TRPM7: variants seen among roughly 807,000 people sequenced by gnomAD.
TRPM7 encodes the protein transient receptor potential cation channel subfamily M member 7.
TRPM7 carries 134 observed loss-of-function variants against 229.7 expected under a neutral mutation model. The ratio of observed to expected loss-of-function variants is 0.58; its 90% CI spans 0.51 to 0.67. The LOEUF is 0.67. Among genes scored for constraint, TRPM7 ranks in the 30% least tolerant of loss-of-function variants. TRPM7 has a pLI of 0.00. For synonymous variants in TRPM7, 699 were observed against 715.2 expected, an observed-to-expected ratio of 0.98 and a Z score of 0.36; for missense variants, 1,901 against 2,210.0, an observed-to-expected ratio of 0.86 and a Z score of 2.80.
chr15:50,595,300 T>C (rs2059604109), intron 23 of TRPM7, among the ~76,000 whole-genome samples: 1 of 151,774 alleles, frequency 6.6e-6, no homozygotes, highest in Non-Finnish European at 1.5e-5. Context: ...TAGACTTAAG[T>C]GCAAAAGCCC....
rs1340419506 is a variant in TRPM7 at position 50,631,450 on chromosome 15, T to C, written c.1171A>G (p.Ile391Val). ...AGTGCAGTAAGTATTGCTACATCTA[T>C]ATCTTGATGTTCATCTGACCCAATA... Reference protein sequence around the residue: ...FHIGSDEHQDIDVAILTALLK... With the variant: ...FHIGSDEHQDVDVAILTALLK... Residue 391 changes from isoleucine (I) to valine (V), a missense_variant, in exon 10 of 39, where the codon ATA becomes GTA. Transcript: ENST00000646667. 1 of 1,610,750 alleles carries C rather than the reference T, an allele frequency of 6.2e-7. No individual in the cohort carries two copies. Among genetic ancestry groups the C allele is most frequent in the South Asian group, 1.1e-5 (1 of 90,824 alleles).
At chr15:50,588,194 A>T (rs2059392405) in intron 27 of TRPM7, 1 of 983,388 alleles carries the variant, frequency 1.0e-6, no homozygotes. Flanking sequence ...ACTTTACCTC[A>T]TATTTAGGCA....
At chr15:50,624,548 T>C (rs1345895689) in intron 11 of TRPM7, among the ~76,000 whole-genome samples, 1 of 152,160 alleles carries the variant, frequency 6.6e-6, no homozygotes, top group Non-Finnish European at 1.5e-5. Flanking sequence ...GAATAAGTGT[T>C]ACATGGGGGA....
Position 50,607,243 on chromosome 15 carries a change from A to G in TRPM7, c.2666T>C (p.Val889Ala). ...EQLPSVQEWI[V>A]IAYIFTYAIE... Reference sequence around the variant, plus strand: ...GGCATAAGTAAAAATATAAGCAATAACAATCCATTCTTGAACTGAAGGTAA... The same window carrying G: ...GGCATAAGTAAAAATATAAGCAATAGCAATCCATTCTTGAACTGAAGGTAA... The change falls in exon 20 of 39, where the codon GTT (valine) becomes GCT (alanine). Residue 889 changes from valine to alanine, a missense_variant. Transcript: ENST00000646667. 2 of 1,611,894 alleles carry G rather than the reference A, an allele frequency of 1.2e-6. No homozygotes were observed. The highest frequency in any genetic ancestry group is 1.7e-6 in the Non-Finnish European group (2 of 1,178,944).
chr15:50,616,718 T>C (rs2060231701), intron 13 of TRPM7, among the ~76,000 whole-genome samples: 1 of 152,050 alleles, frequency 6.6e-6, no homozygotes, highest in Non-Finnish European at 1.5e-5. Context: ...TCTTGCTCTG[T>C]TGTCCAGGCT....
intron 21 of TRPM7, among the ~76,000 whole-genome samples, chr15:50,602,828 C>T (rs1216154609): frequency 1.3e-5 from 2 of 152,090 alleles, no homozygotes; most frequent in Admixed American, 6.5e-5. Flanking sequence ...CACACAATGA[C>T]GGAACAAATG....
At position 50,601,819 on chromosome 15, in the gene TRPM7, C is replaced by A. The variant is rs1169366061; in HGVS notation, c.2989-2523G>T. Among the ~76,000 whole-genome samples, 19 of 151,804 alleles carry A rather than the reference C, an allele frequency of 1.3e-4. 1 individual carries two copies. The highest frequency in any genetic ancestry group is 1.2e-3 in the Admixed American group (19 of 15,256). ...TTGCAATTACTTTTAATGGCAAAAA[C>A]CGCAATTACTTTTGCACTAGCCTAT... On this transcript the variant is annotated intron_variant, in intron 21 of 38. Transcript: ENST00000646667.
intron 7 of TRPM7, 73 bp downstream of exon 7, chr15:50,637,349 T>C: frequency 7.3e-7 from 1 of 1,376,524 alleles, no homozygotes; most frequent in African/African-American, 1.4e-5. Flanking sequence ...AAGAACATTC[T>C]ACTTTCTTTG....
chr15:50,565,657 C>T (rs1197080005), intron 38 of TRPM7, among the ~76,000 whole-genome samples: 2 of 152,102 alleles, frequency 1.3e-5, no homozygotes, highest in South Asian at 2.1e-4. Context: ...TGGAGACTTC[C>T]TTTCTAGTTA....
At chr15:50,601,331 C>T (rs2059774708) in intron 21 of TRPM7, among the ~76,000 whole-genome samples, 1 of 152,160 alleles carries the variant, frequency 6.6e-6, no homozygotes, top group Admixed American at 6.6e-5. Context: ...TCAGCTTGCT[C>T]ATAAAAATGA....
rs1417675379 is a variant in TRPM7, at chr15:50,583,171, T to C, written c.4487-12A>G. ...ACTGATTTTTTCTGCTAAAAGAAAA[T>C]TAAAAAATATAAAAAAGCTACACAA... is the stretch of plus-strand genomic sequence containing the variant. On this transcript the variant is annotated splice_polypyrimidine_tract_variant and intron_variant, in intron 28 of 38. Transcript: ENST00000646667. 3 of 1,582,988 alleles carry C rather than the reference T, an allele frequency of 1.9e-6. No individual in the cohort carries two copies. Among genetic ancestry groups the C allele is most frequent in the South Asian group, 1.2e-5 (1 of 86,546 alleles).
chr15:50,644,243 G>A (rs578013154), intron 4 of TRPM7, among the ~76,000 whole-genome samples: 3 of 152,004 alleles, frequency 2.0e-5, no homozygotes, highest in South Asian at 2.1e-4. Flanking sequence ...AAAAGCTATC[G>A]TGTGTGAAAT....
intron 38 of TRPM7, among the ~76,000 whole-genome samples, chr15:50,563,224 C>A (rs150961646): frequency 6.6e-6 from 1 of 152,206 alleles, no homozygotes; most frequent in Non-Finnish European, 1.5e-5. Flanking sequence ...GACGGTAGAA[C>A]TGTGTAGCTG....
chr15:50,623,872 A>G (rs777208297), intron 12 of TRPM7, among the ~76,000 whole-genome samples: 3 of 152,110 alleles, frequency 2.0e-5, no homozygotes, highest in Admixed American at 6.5e-5. Flanking sequence ...TAATCACCCT[A>G]TAATTAAGAA....
chr15:50,676,276 G>C (rs1357915892), intron 1 of TRPM7, among the ~76,000 whole-genome samples: 1 of 152,084 alleles, frequency 6.6e-6, no homozygotes, highest in Non-Finnish European at 1.5e-5. Context: ...AAAAAATTCT[G>C]CTGTTAAGGT....
intron 1 of TRPM7, among the ~76,000 whole-genome samples, chr15:50,672,251 C>A (rs969763021): frequency 6.6e-6 from 1 of 152,036 alleles, no homozygotes; most frequent in African/African-American, 2.4e-5. Flanking sequence ...GACATTTTCA[C>A]CATGTTAGCC....
At position 50,570,163 on chromosome 15, in the gene TRPM7, T is replaced by A. The variant is rs774955605; in HGVS notation, c.5309-8A>T. Reference sequence around the variant, plus strand: ...TCAAATTTTCACCAACACCTTTATATGTGTATATAAAAAAGACAAATAATT... The same window carrying A: ...TCAAATTTTCACCAACACCTTTATAAGTGTATATAAAAAAGACAAATAATT... On this transcript the variant is annotated splice_region_variant and splice_polypyrimidine_tract_variant and intron_variant, in intron 36 of 38. Transcript: ENST00000646667. 2.5e-6 allele frequency: 4 copies of A among 1,582,064 alleles called. No individual in the cohort carries two copies. Among genetic ancestry groups the A allele is most frequent in the Non-Finnish European group, 3.4e-6 (4 of 1,162,116 alleles).
At chr15:50,672,010 C>T (rs11070806) in intron 1 of TRPM7, among the ~76,000 whole-genome samples, 22,085 of 152,054 alleles carry the variant, frequency 0.15, 2,179 homozygotes, top group Admixed American at 0.28. Context: ...TACTAGACTA[C>T]GCTTTTTATG....
chr15:50,652,903 T>C (rs2061464410), intron 3 of TRPM7, among the ~76,000 whole-genome samples: 1 of 152,188 alleles, frequency 6.6e-6, no homozygotes, highest in Non-Finnish European at 1.5e-5. Context: ...GGCTCGTGCC[T>C]GTAATCCCAG....
Sources: allele counts gnomAD v4.1 joint callset (sites outside exome capture counted in the v4.1 genomes callset), GRCh38; gene constraint gnomAD v4.1.1; transcripts MANE v1.5; gene names NCBI Gene and HGNC (gene_info 2026-07-23, HGNC 2026-07-21).